Variants in ZFPM2 observed in about 807,000 individuals in gnomAD.
ZFPM2 encodes zinc finger protein ZFPM2.
In ZFPM2, 20 loss-of-function variants were observed where a neutral mutation model predicts 98.6. The ratio of observed to expected loss-of-function variants is 0.20; its 90% CI spans 0.14 to 0.29. The LOEUF (loss-of-function observed/expected upper bound fraction) is 0.29. ZFPM2 is among the 10% of genes least tolerant of loss of function. The probability of loss-of-function intolerance (pLI) is 1.00; values close to 1 mark genes in which losing one functional copy is unlikely to be tolerated. For missense variants in ZFPM2, 1,310 were observed against 1,388.6 expected (o/e 0.94, Z 0.90); for synonymous variants, 518 against 502.7 (o/e 1.03, Z -0.41).
chr8:105,728,818 T>C (rs753383754), intron 5 of ZFPM2, among the ~76,000 whole-genome samples: 1 of 151,774 alleles, frequency 6.6e-6, no homozygotes, highest in South Asian at 2.1e-4. Context: ...TTGAAATTCA[T>C]TTAAAGTTGT....
chr8:105,599,322 G>C (rs145068164), intron 4 of ZFPM2, among the ~76,000 whole-genome samples: 1 of 149,394 alleles, frequency 6.7e-6, no homozygotes, highest in East Asian at 2.0e-4. Flanking sequence ...TTTGCCTGCA[G>C]TTTCCTAGTA....
In ZFPM2 at chr8:105,520,242, G is replaced by A. The variant is rs528523427; in HGVS notation, c.302-41121G>A. 8.7e-3 allele frequency among the ~76,000 whole-genome samples: 1,279 copies of A among 146,930 alleles called. 20 individuals are homozygous for A. Among genetic ancestry groups the A allele is most frequent in the African/African-American group, 0.031 (1,197 of 38,590 alleles). Reference sequence around the variant, plus strand: ...AGTTCCTATCTTAATACCAAAAAAAGTGAGATAGAAAAATTTGTCTTAAAA... The same window carrying A: ...AGTTCCTATCTTAATACCAAAAAAAATGAGATAGAAAAATTTGTCTTAAAA... On this transcript the variant is annotated intron_variant, in intron 3 of 7. Transcript: ENST00000407775.
chr8:105,526,203 T>G (rs1171083725), intron 3 of ZFPM2, among the ~76,000 whole-genome samples: 1 of 152,166 alleles, frequency 6.6e-6, no homozygotes, highest in African/African-American at 2.4e-5. Context: ...ATATTCTCAC[T>G]CATGTCCTCC....
chr8:105,382,237 C>G (rs1273471392), intron 1 of ZFPM2, among the ~76,000 whole-genome samples: 1 of 151,936 alleles, frequency 6.6e-6, no homozygotes, highest in Non-Finnish European at 1.5e-5. Context: ...CTGACACCAT[C>G]CTTCTGTGTA....
chr8:105,795,351 TCACACACA>T (rs34036735), intron 6 of ZFPM2, among the ~76,000 whole-genome samples: 4 of 145,440 alleles, frequency 2.8e-5, no homozygotes, highest in East Asian at 2.1e-4. Flanking sequence ...TTCCTGAATG[TCACACACA>T]CACACACACA....
chr8:105,463,852 C>T (rs995259411), intron 3 of ZFPM2, among the ~76,000 whole-genome samples: 1 of 151,964 alleles, frequency 6.6e-6, no homozygotes, highest in Non-Finnish European at 1.5e-5. Context: ...TACCTCTTAG[C>T]GTCTACACTT....
chr8:105,469,313 G>A (rs1024116105), intron 3 of ZFPM2, among the ~76,000 whole-genome samples: 4 of 152,160 alleles, frequency 2.6e-5, no homozygotes, highest in African/African-American at 9.7e-5. Context: ...TCACTATTAT[G>A]TGAGAATTTC....
chr8:105,562,766 T>A (rs1290402019), intron 4 of ZFPM2, among the ~76,000 whole-genome samples: 1 of 152,186 alleles, frequency 6.6e-6, no homozygotes, highest in East Asian at 1.9e-4. Context: ...CTGGGTCGTC[T>A]AAGCTAATTT....
chr8:105,334,233 T>C (rs1258971330), intron 1 of ZFPM2, among the ~76,000 whole-genome samples: 1 of 151,168 alleles, frequency 6.6e-6, no homozygotes, highest in African/African-American at 2.4e-5. Flanking sequence ...TTATTTGTCT[T>C]CCCTTAGGTT....
intron 2 of ZFPM2, among the ~76,000 whole-genome samples, 163 bp from the exon 3 acceptor site, chr8:105,444,117 A>T (rs1224927881): frequency 6.6e-6 from 1 of 152,272 alleles, no homozygotes; most frequent in Non-Finnish European, 1.5e-5. Context: ...TTGTGAAGCC[A>T]CAATAGATAT....
intron 4 of ZFPM2, among the ~76,000 whole-genome samples, chr8:105,624,205 C>T (rs756996739): frequency 6.6e-6 from 1 of 152,186 alleles, no homozygotes; most frequent in Non-Finnish European, 1.5e-5. Context: ...GACAGCCTTA[C>T]GTAAGAAGGG....
intron 1 of ZFPM2, among the ~76,000 whole-genome samples, chr8:105,321,121 C>T (rs1812016129): frequency 6.6e-6 from 1 of 151,994 alleles, no homozygotes; most frequent in Non-Finnish European, 1.5e-5. Context: ...CTTCTTTTAG[C>T]TTTTTTAGGG....
chr8:105,551,395 T>A (rs1814849729), intron 3 of ZFPM2, among the ~76,000 whole-genome samples: 1 of 141,832 alleles, frequency 7.1e-6, no homozygotes. Flanking sequence ...TACATTTTTA[T>A]TTCTTTATGG....
chr8:105,777,559 G>T (rs1216276564), intron 5 of ZFPM2, among the ~76,000 whole-genome samples: 1 of 152,178 alleles, frequency 6.6e-6, no homozygotes, highest in African/African-American at 2.4e-5. Context: ...GTGCCAGCAT[G>T]GGAAAGTTGA....
chr8:105,670,321 C>T (rs1190821601), intron 5 of ZFPM2, among the ~76,000 whole-genome samples: 1 of 151,746 alleles, frequency 6.6e-6, no homozygotes, highest in Non-Finnish European at 1.5e-5. Flanking sequence ...ACGGTGAAAC[C>T]CCATCTCTAC....
intron 6 of ZFPM2, among the ~76,000 whole-genome samples, chr8:105,792,800 T>G (rs1813659873): frequency 6.6e-6 from 1 of 152,338 alleles, no homozygotes; most frequent in East Asian, 1.9e-4. Flanking sequence ...TTAGGATAGT[T>G]AGCTCTTCTT....
chr8:105,363,535 C>T (rs1411094941), intron 1 of ZFPM2, among the ~76,000 whole-genome samples: 1 of 152,040 alleles, frequency 6.6e-6, no homozygotes, highest in Admixed American at 6.6e-5. Flanking sequence ...CTCATATTGT[C>T]CTCACACTGA....
chr8:105,380,703 TA>T (rs1347973591), intron 1 of ZFPM2, among the ~76,000 whole-genome samples: 1,416 of 23,438 alleles, frequency 0.06, 154 homozygotes, highest in South Asian at 0.22. Flanking sequence ...ATAACATATA[TA>T]ATATATATAT....
At chr8:105,381,736 C>G (rs1810893973) in intron 1 of ZFPM2, among the ~76,000 whole-genome samples, 1 of 151,960 alleles carries the variant, frequency 6.6e-6, no homozygotes. Flanking sequence ...GAATATTTTC[C>G]CCAAAGATAG....
Sources: allele counts gnomAD v4.1 joint callset (sites outside exome capture counted in the v4.1 genomes callset), GRCh38; gene constraint gnomAD v4.1.1; transcripts MANE v1.5; gene names NCBI Gene and HGNC (gene_info 2026-07-23, HGNC 2026-07-21).